The following KAZN variants were observed in gnomAD, a reference collection of about 807,000 sequenced individuals.
The protein encoded by KAZN is kazrin, periplakin interacting protein.
In KAZN, 40 loss-of-function variants were observed where a neutral mutation model predicts 87.4. That is an observed-to-expected ratio of 0.46 (90% CI 0.36 to 0.60). The LOEUF (loss-of-function observed/expected upper bound fraction) is 0.60. KAZN is among the 20% of genes least tolerant of loss of function. The probability of loss-of-function intolerance (pLI) is 0.00; values close to 1 mark genes in which losing one functional copy is unlikely to be tolerated. For missense variants in KAZN, 898 were observed against 1,073.9 expected, an observed-to-expected ratio of 0.84 and a Z score of 2.29; for synonymous variants, 466 against 458.3, an observed-to-expected ratio of 1.02 and a Z score of -0.22.
At chr1:14,402,822 G>A (rs6696419) in intron 2 of KAZN, among the ~76,000 whole-genome samples, 13,642 of 151,772 alleles carry the variant, frequency 0.09, 848 homozygotes, top group South Asian at 0.14. Flanking sequence ...GACCCAAATG[G>A]ATATAGAAAC....
intron 6 of KAZN, chr1:15,063,297 G>A: frequency 2.0e-6 from 1 of 499,576 alleles, no homozygotes; most frequent in Non-Finnish European, 3.6e-6. Flanking sequence ...ACGCCCTGGA[G>A]TGGCTAATTT....
intron 1 of KAZN, among the ~76,000 whole-genome samples, chr1:14,649,347 A>AC (rs66561175): frequency 0.27 from 41,451 of 151,970 alleles, 5,885 homozygotes; most frequent in South Asian, 0.38. Context: ...CTGATGGGGA[A>AC]TTAAGCACAG....
At chr1:15,038,271 A>G (rs532783190) in intron 3 of KAZN, among the ~76,000 whole-genome samples, 2 of 128,762 alleles carry the variant, frequency 1.6e-5, no homozygotes, top group South Asian at 2.4e-4. Flanking sequence ...GAAAAGAAAG[A>G]AAAAAAAAAG....
chr1:14,725,944 G>A (rs1006747348), intron 1 of KAZN, among the ~76,000 whole-genome samples: 6 of 152,224 alleles, frequency 3.9e-5, no homozygotes, highest in Non-Finnish European at 7.3e-5. Flanking sequence ...TGGGCTCAAA[G>A]CCACTGAATA....
At chr1:14,181,828 T>C (rs1196606658) in intron 2 of KAZN, among the ~76,000 whole-genome samples, 2 of 152,206 alleles carry the variant, frequency 1.3e-5, no homozygotes, top group East Asian at 3.8e-4. Context: ...GGATTAGCTT[T>C]CCTCGAAATG....
intron 6 of KAZN, chr1:15,063,211 C>T: frequency 4.1e-6 from 1 of 241,868 alleles, no homozygotes; most frequent in Non-Finnish European, 8.0e-6. Flanking sequence ...TATAAAAGTA[C>T]ATTTCTTTAT....
chr1:14,738,661 G>A (rs570464799), intron 1 of KAZN, among the ~76,000 whole-genome samples: 29 of 152,178 alleles, frequency 1.9e-4, no homozygotes, highest in African/African-American at 6.3e-4. Context: ...TGTTTAGAGC[G>A]TTACTGAGGC....
rs1418407188 is a variant in KAZN, at chr1:14,015,574, G to A, written c.91+121818G>A. Among the ~76,000 whole-genome samples, 9 of 134,902 alleles carry A rather than the reference G, an allele frequency of 6.7e-5. No homozygotes were observed. The East Asian group carries it at 7.1e-4, about 11-fold the overall frequency. 88.5% of individuals were successfully genotyped at this position (134,902 alleles called of 152,430 possible). On this transcript the variant is annotated intron_variant, in intron 1 of 16. Coordinates refer to the KAZN transcript ENST00000636203. ...CAGCTCACTGCAACCTCCGCCTCCC[G>A]GGTTCAAGCAATTCTCCTGCCTCAG...
intron 2 of KAZN, among the ~76,000 whole-genome samples, chr1:14,288,479 G>T (rs1653430928): frequency 6.6e-6 from 1 of 152,188 alleles, no homozygotes; most frequent in Non-Finnish European, 1.5e-5. Flanking sequence ...GGTGTTTATA[G>T]TATTCTCTGA....
intron 1 of KAZN, among the ~76,000 whole-genome samples, chr1:14,038,289 G>A (rs1641647332): frequency 6.6e-6 from 1 of 152,188 alleles, no homozygotes; most frequent in African/African-American, 2.4e-5. Context: ...TTTAAGTAGG[G>A]TGGTGAGGTC....
intron 2 of KAZN, among the ~76,000 whole-genome samples, chr1:14,426,498 T>C (rs2101350149): frequency 6.6e-6 from 1 of 152,294 alleles, no homozygotes; most frequent in South Asian, 2.1e-4. Flanking sequence ...AATTGGTTAT[T>C]AAGTGTTCAT....
chr1:15,019,354 G>T (rs975282478), intron 2 of KAZN, among the ~76,000 whole-genome samples: 2 of 152,206 alleles, frequency 1.3e-5, no homozygotes, highest in Non-Finnish European at 2.9e-5. Context: ...AGCTGGGTCA[G>T]TGTAATCTAC....
chr1:14,985,723 G>T (rs1171478746), intron 2 of KAZN, among the ~76,000 whole-genome samples: 1 of 151,914 alleles, frequency 6.6e-6, no homozygotes, highest in Non-Finnish European at 1.5e-5. Context: ...CCACAGAAGT[G>T]CCAGGCACGG....
intron 1 of KAZN, among the ~76,000 whole-genome samples, chr1:14,006,138 T>TA (rs1046236451): frequency 3.3e-5 from 5 of 152,356 alleles, no homozygotes; most frequent in African/African-American, 1.2e-4. Flanking sequence ...TCTTTTGTTG[T>TA]AAAAAAGCTG....
At chr1:14,714,668 C>T (rs1052213490) in intron 1 of KAZN, among the ~76,000 whole-genome samples, 1 of 152,124 alleles carries the variant, frequency 6.6e-6, no homozygotes, top group African/African-American at 2.4e-5. Context: ...AGCTGCTGAT[C>T]CCAGGCACAG....
intron 1 of KAZN, among the ~76,000 whole-genome samples, chr1:14,950,215 A>G (rs187095999): frequency 6.6e-6 from 1 of 151,964 alleles, no homozygotes; most frequent in Non-Finnish European, 1.5e-5. Context: ...ACTGCTTCCC[A>G]TCACCCCCTA....
At chr1:14,105,353 C>T (rs1644345193) in intron 1 of KAZN, among the ~76,000 whole-genome samples, 2 of 152,158 alleles carry the variant, frequency 1.3e-5, no homozygotes, top group South Asian at 4.1e-4. Context: ...ATGAGCCATG[C>T]TGGGCAGAGA....
intron 1 of KAZN, among the ~76,000 whole-genome samples, chr1:14,640,149 C>T (rs1165808751): frequency 6.6e-6 from 1 of 152,104 alleles, no homozygotes; most frequent in East Asian, 1.9e-4. Flanking sequence ...TAAAAATACC[C>T]CTTTATATTT....
intron 2 of KAZN, among the ~76,000 whole-genome samples, chr1:14,211,645 G>A (rs112697961): frequency 6.6e-6 from 1 of 152,150 alleles, no homozygotes; most frequent in Non-Finnish European, 1.5e-5. Flanking sequence ...GCTTGAGAGA[G>A]CTGATTAATT....
Sources: allele counts gnomAD v4.1 joint callset (sites outside exome capture counted in the v4.1 genomes callset), GRCh38; gene constraint gnomAD v4.1.1; transcripts MANE v1.5; gene names NCBI Gene and HGNC (gene_info 2026-07-23, HGNC 2026-07-21).